Variants in RPSA2 observed in about 807,000 individuals in gnomAD.
The protein encoded by RPSA2 is small ribosomal subunit protein uS2B.
chr19:23,782,620 C>T, the RPSA2 span: 3 of 152,114 alleles, frequency 2.0e-5, no homozygotes, highest in African/African-American at 7.2e-5. Context: ...TTTGCCTGGT[C>T]CCTGCACACA....
chr19:23,836,379 A>T, the RPSA2 span, among the ~76,000 whole-genome samples: 1 of 152,060 alleles, frequency 6.6e-6, no homozygotes, highest in African/African-American at 2.4e-5. Context: ...ACAGACACAC[A>T]CACACACACA....
chr19:23,784,342 G>C, the RPSA2 span, among the ~76,000 whole-genome samples: 40 of 152,312 alleles, frequency 2.6e-4, no homozygotes, highest in African/African-American at 9.6e-4. Flanking sequence ...CCTCACACAT[G>C]GGCAGAGCCC....
At chr19:23,841,288 C>A in the RPSA2 span, among the ~76,000 whole-genome samples, 1 of 152,108 alleles carries the variant, frequency 6.6e-6, no homozygotes, top group South Asian at 2.1e-4. Context: ...CATGGTGAAA[C>A]CCCGTCTCTA....
chr19:23,804,443 A>C, the RPSA2 span, among the ~76,000 whole-genome samples: 148,097 of 151,412 alleles, frequency 0.98, 72,521 homozygotes, highest in Middle Eastern at 1. Context: ...ACTACAGGCA[A>C]CCGCCACCAC....
the RPSA2 span, chr19:23,832,532 C>T: frequency 4.2e-6 from 3 of 710,406 alleles, no homozygotes; most frequent in Middle Eastern, 5.7e-4. Flanking sequence ...TAAGATAATT[C>T]ATACTGAAAA....
chr19:23,766,333 T>A, the RPSA2 span, among the ~76,000 whole-genome samples: 2 of 151,610 alleles, frequency 1.3e-5, no homozygotes, highest in East Asian at 1.9e-4. Context: ...GTGTACCCTT[T>A]AAAAAATTAT....
chr19:23,866,885 G>A, the RPSA2 span, among the ~76,000 whole-genome samples: 6 of 152,170 alleles, frequency 3.9e-5, no homozygotes, highest in Admixed American at 2.0e-4. Context: ...TTAGGCAAAA[G>A]CTGCCTTAAC....
chr19:23,867,722 C>T, the RPSA2 span, among the ~76,000 whole-genome samples: 6 of 150,988 alleles, frequency 4.0e-5, no homozygotes, highest in Non-Finnish European at 7.4e-5. Context: ...CCCAGCTACT[C>T]GGAAGGCTGA....
the RPSA2 span, among the ~76,000 whole-genome samples, chr19:23,761,905 T>TTC: frequency 2.6e-5 from 1 of 38,162 alleles, no homozygotes. Context: ...AACGTAATTC[T>TTC]TTCTTTCTTT....
chr19:23,844,986 T>A, the RPSA2 span, among the ~76,000 whole-genome samples: 4 of 149,450 alleles, frequency 2.7e-5, no homozygotes, highest in Admixed American at 6.7e-5. Context: ...CCTGGCTCTA[T>A]CTTGGGAGGT....
chr19:23,795,188 AGT>A, the RPSA2 span, among the ~76,000 whole-genome samples: 5 of 21,378 alleles, frequency 2.3e-4, no homozygotes, highest in Admixed American at 3.6e-3. Flanking sequence ...ATTTTACAAT[AGT>A]TTTTTTTTTT....
chr19:23,825,835 C>T, the RPSA2 span, among the ~76,000 whole-genome samples: 3 of 152,008 alleles, frequency 2.0e-5, no homozygotes, highest in Non-Finnish European at 2.9e-5. Context: ...GTGATCTGCC[C>T]GCCTCAGCTT....
chr19:23,865,120 G>A, the RPSA2 span, among the ~76,000 whole-genome samples: 5 of 152,240 alleles, frequency 3.3e-5, no homozygotes, highest in Admixed American at 3.3e-4. Flanking sequence ...AGCACAGGAA[G>A]TGAAATAGAC....
chr19:23,858,916 G>A, the RPSA2 span, among the ~76,000 whole-genome samples: 1 of 152,184 alleles, frequency 6.6e-6, no homozygotes, highest in South Asian at 2.1e-4. Context: ...GCCTCCTGAA[G>A]CCAGTCTGTA....
chr19:23,837,034 T>C, the RPSA2 span, among the ~76,000 whole-genome samples: 1 of 152,182 alleles, frequency 6.6e-6, no homozygotes, highest in Non-Finnish European at 1.5e-5. Flanking sequence ...TGCTTTTAGG[T>C]TTTTGGTCAT....
At chr19:23,772,064 G>A in the RPSA2 span, among the ~76,000 whole-genome samples, 2 of 152,170 alleles carry the variant, frequency 1.3e-5, no homozygotes, top group Admixed American at 1.3e-4. Context: ...CCACCTATGG[G>A]ATTGCGTGCT....
the RPSA2 span, among the ~76,000 whole-genome samples, chr19:23,855,867 G>A: frequency 0.012 from 1,797 of 152,226 alleles, 39 homozygotes; most frequent in African/African-American, 0.04. Context: ...TGGTCCCAGA[G>A]CCATTAGGTG....
the RPSA2 span, among the ~76,000 whole-genome samples, chr19:23,869,540 G>C: frequency 1.3e-5 from 2 of 152,062 alleles, no homozygotes; most frequent in South Asian, 4.2e-4. Context: ...ATTGTGGATT[G>C]GGGAACTAAA....
the RPSA2 span, among the ~76,000 whole-genome samples, chr19:23,798,718 C>T: frequency 6.6e-6 from 1 of 152,084 alleles, no homozygotes; most frequent in Non-Finnish European, 1.5e-5. Context: ...AGATATTAGT[C>T]TGCTATGCTT....
Sources: allele counts gnomAD v4.1 joint callset (sites outside exome capture counted in the v4.1 genomes callset), GRCh38; gene constraint gnomAD v4.1.1; transcripts MANE v1.5; gene names NCBI Gene and HGNC (gene_info 2026-07-23, HGNC 2026-07-21).